Variants in PRH1 observed in about 807,000 individuals in gnomAD.
PRH1 encodes the protein proline rich protein HaeIII subfamily 1, also known as salivary acidic proline-rich phosphoprotein 1/2.
A neutral mutation model predicts 7.9 loss-of-function variants in PRH1; 7 were observed. That is an observed-to-expected ratio of 0.89 (90% CI 0.50 to 1.67). The LOEUF (loss-of-function observed/expected upper bound fraction) is 1.67. PRH1 is among the 40% of genes most tolerant of loss of function. The pLI is 0.00. For synonymous variants in PRH1, 45 were observed against 80.8 expected, an observed-to-expected ratio of 0.56 and a Z score of 2.38; for missense variants, 109 against 223.6, an observed-to-expected ratio of 0.49 and a Z score of 3.27.
chr12:11,000,078 T>C (rs1366068421), intron 1 of PRH1, among the ~76,000 whole-genome samples: 1 of 152,130 alleles, frequency 6.6e-6, no homozygotes, highest in Admixed American at 6.6e-5. Flanking sequence ...TATGGGGTCA[T>C]TAAATGTGGT....
intron 1 of PRH1, among the ~76,000 whole-genome samples, chr12:11,054,797 T>C (rs1230732197): frequency 6.1e-4 from 10 of 16,270 alleles, no homozygotes; most frequent in Non-Finnish European, 2.7e-3. Context: ...TGATGTTTCT[T>C]TTTTTTTTTT....
intron 1 of PRH1, among the ~76,000 whole-genome samples, chr12:10,976,022 A>T (rs1015195706): frequency 2.0e-5 from 3 of 152,176 alleles, no homozygotes; most frequent in Admixed American, 6.5e-5. Flanking sequence ...TCAAGACAGA[A>T]AACTGACAAA....
chr12:11,017,570 C>T (rs1229927451), intron 1 of PRH1, among the ~76,000 whole-genome samples: 8 of 152,042 alleles, frequency 5.3e-5, no homozygotes, highest in Admixed American at 3.9e-4. Context: ...CTGCAAACTT[C>T]GCCTCCTGGG....
At chr12:10,994,066 G>A (rs1307306730) in intron 1 of PRH1, among the ~76,000 whole-genome samples, 1 of 152,208 alleles carries the variant, frequency 6.6e-6, no homozygotes, top group African/African-American at 2.4e-5. Flanking sequence ...AGTCAGCCAT[G>A]ATTGGAGGGC....
At chr12:11,083,256 A>G (rs1316899266) in intron 1 of PRH1, among the ~76,000 whole-genome samples, 3 of 125,064 alleles carry the variant, frequency 2.4e-5, no homozygotes, top group African/African-American at 8.5e-5. Flanking sequence ...AAAGGTGTCT[A>G]GCAAAATACA....
At chr12:11,149,878 A>T (rs1004445154) in intron 1 of PRH1, among the ~76,000 whole-genome samples, 2 of 138,226 alleles carry the variant, frequency 1.4e-5, no homozygotes, top group Non-Finnish European at 3.2e-5. Context: ...CAGAGTGAAC[A>T]GGCAACCTAC....
At chr12:11,068,401 C>A (rs1943915956) in intron 1 of PRH1, among the ~76,000 whole-genome samples, 2 of 152,150 alleles carry the variant, frequency 1.3e-5, no homozygotes, top group Non-Finnish European at 2.9e-5. Flanking sequence ...CTATGTAGCT[C>A]AAATTTGTTC....
At chr12:11,038,205 T>C (rs1222744526) in intron 1 of PRH1, among the ~76,000 whole-genome samples, 3 of 152,262 alleles carry the variant, frequency 2.0e-5, no homozygotes, top group Non-Finnish European at 4.4e-5. Flanking sequence ...TTCTGCTTTT[T>C]TAACATTTTT....
At chr12:11,003,726 A>C (rs1940699389) in intron 1 of PRH1, among the ~76,000 whole-genome samples, 1 of 151,950 alleles carries the variant, frequency 6.6e-6, no homozygotes, top group Non-Finnish European at 1.5e-5. Flanking sequence ...AAAATACAAA[A>C]ATATTCTTGC....
At chr12:11,004,304 G>A (rs1940724767) in intron 1 of PRH1, among the ~76,000 whole-genome samples, 1 of 152,064 alleles carries the variant, frequency 6.6e-6, no homozygotes, top group Non-Finnish European at 1.5e-5. Flanking sequence ...AGGCCAGCCT[G>A]GCCAAGATGG....
chr12:11,145,815 C>T (rs1946844003), intron 1 of PRH1, among the ~76,000 whole-genome samples: 1 of 152,060 alleles, frequency 6.6e-6, no homozygotes, highest in African/African-American at 2.4e-5. Context: ...AAATTCTGCT[C>T]TATATCTCTT....
intron 1 of PRH1, among the ~76,000 whole-genome samples, chr12:10,976,645 T>A (rs77203333): frequency 4.2e-5 from 6 of 142,654 alleles, no homozygotes; most frequent in East Asian, 2.0e-4. Flanking sequence ...TTTTTTTTTT[T>A]AAATTAAGAT....
At chr12:11,134,871 T>C (rs1036971478) in intron 1 of PRH1, among the ~76,000 whole-genome samples, 21 of 152,128 alleles carry the variant, frequency 1.4e-4, no homozygotes, top group Admixed American at 1.3e-3. Context: ...GCTAATACTT[T>C]TGTGTAACTT....
chr12:11,098,918 G>T (rs1032483902), intron 1 of PRH1, among the ~76,000 whole-genome samples: 1 of 152,134 alleles, frequency 6.6e-6, no homozygotes, highest in African/African-American at 2.4e-5. Flanking sequence ...AAGTTGTCCA[G>T]ATGAAATTAG....
chr12:11,128,693 C>A (rs1360655365), intron 1 of PRH1, among the ~76,000 whole-genome samples: 1 of 152,104 alleles, frequency 6.6e-6, no homozygotes, highest in South Asian at 2.1e-4. Flanking sequence ...TATAGTTAGT[C>A]GAGATCACGC....
At chr12:11,108,744 T>C (rs141261989) in intron 1 of PRH1, among the ~76,000 whole-genome samples, 1 of 152,240 alleles carries the variant, frequency 6.6e-6, no homozygotes, top group African/African-American at 2.4e-5. Context: ...TGAGCGATCA[T>C]TTGGGCAGAC....
chr12:10,882,075 C>A, intron 3 of PRH1, 142 bp downstream of exon 3: 3 of 1,481,006 alleles, frequency 2.0e-6, no homozygotes, highest in East Asian at 4.6e-5. Context: ...ATACTCTATA[C>A]AAGAATATCT....
At chr12:11,147,248 T>C (rs987528761) in intron 1 of PRH1, among the ~76,000 whole-genome samples, 3 of 152,188 alleles carry the variant, frequency 2.0e-5, no homozygotes, top group African/African-American at 7.2e-5. Flanking sequence ...TGGAGTGCAG[T>C]GGCACGATCT....
At position 11,089,104 on chromosome 12, in the gene PRH1, T is replaced by C. The variant is rs1377206879; in HGVS notation, n.124-41916A>G. On this transcript the variant is annotated intron_variant and non_coding_transcript_variant, in intron 1 of 4. Coordinates refer to the PRH1 transcript ENST00000541977. ...CTCAGTGGCACAAGGAGTGATGGTA[T>C]TGGACACAAACATGTGCTTTCTTAG... 4.3e-5 allele frequency among the ~76,000 whole-genome samples: 5 copies of C among 115,424 alleles called. 1 individual carries two copies. The highest frequency in any genetic ancestry group is 6.2e-5 in the Non-Finnish European group (3 of 48,752). 75.7% of individuals were successfully genotyped at this position (115,424 alleles called of 152,430 possible).
Sources: gnomAD v4.1 joint callset for allele counts (sites outside exome capture counted in the v4.1 genomes callset) on GRCh38, gnomAD v4.1.1 for gene constraint, MANE v1.5 for transcripts, NCBI Gene and HGNC (gene_info 2026-07-23, HGNC 2026-07-21) for gene names.